ZMYND12: variants seen among roughly 807,000 people sequenced by gnomAD.
The protein encoded by ZMYND12 is zinc finger MYND domain-containing protein 12.
A neutral mutation model predicts 41.7 loss-of-function variants in ZMYND12; 32 were observed. The ratio of observed to expected loss-of-function variants is 0.77; its 90% CI spans 0.58 to 1.03. The LOEUF is 1.03. Ranked by LOEUF, ZMYND12 falls within the 50% of genes least tolerant of loss-of-function variation. ZMYND12 has a pLI of 0.00. For synonymous variants in ZMYND12, 148 were observed against 164.8 expected (o/e 0.90, Z 0.78); for missense variants, 424 against 438.5 (o/e 0.97, Z 0.30).
chr1:42,433,314 A>C, intron 6 of ZMYND12, 26 bp from the exon 7 acceptor site: 1 of 1,587,002 alleles, frequency 6.3e-7, no homozygotes, highest in Non-Finnish European at 8.5e-7. Flanking sequence ...AAGAAAGAAA[A>C]AACAGGCTCT....
chr1:42,451,541 T>G (rs1319225401), intron 1 of ZMYND12, among the ~76,000 whole-genome samples: 1 of 152,176 alleles, frequency 6.6e-6, no homozygotes, highest in Non-Finnish European at 1.5e-5. Flanking sequence ...GGATCTCTGT[T>G]GCAACTACTC....
chr1:42,447,345 T>G (rs1039688493), intron 3 of ZMYND12, among the ~76,000 whole-genome samples: 1 of 152,188 alleles, frequency 6.6e-6, no homozygotes, highest in African/African-American at 2.4e-5. Context: ...AATTGAGAAA[T>G]GTTTTATACA....
intron 3 of ZMYND12, among the ~76,000 whole-genome samples, chr1:42,444,417 G>A (rs1384121319): frequency 2.0e-5 from 3 of 152,222 alleles, no homozygotes. Flanking sequence ...TAGACTTCCA[G>A]AAACGTTAGC....
chr1:42,448,547 A>C lies in ZMYND12; in HGVS notation c.344T>G (p.Leu115Arg), dbSNP rs1006174245. 1.5e-5 allele frequency: 24 copies of C among 1,613,904 alleles called. No homozygotes were observed. The highest frequency in any genetic ancestry group is 2.0e-5 in the Non-Finnish European group (24 of 1,179,886). Residue 115 changes from leucine to arginine, a missense_variant, in exon 3 of 8, where the codon CTT (leucine) becomes CGT (arginine). Coordinates refer to ENST00000372565, the MANE Select transcript of ZMYND12 (RefSeq NM_032257.5). ...EDAVPAALQSLRFRVKLYGLS... is the reference protein window; with the variant it reads ...EDAVPAALQSRRFRVKLYGLS... ...GCCATACAGCTTCACACGGAAGCGA[A>C]GGGACTGCAAAGCTGCTGGTACAGC...
At chr1:42,452,385 C>T (rs1235384815) in intron 1 of ZMYND12, among the ~76,000 whole-genome samples, 1 of 152,102 alleles carries the variant, frequency 6.6e-6, no homozygotes, top group African/African-American at 2.4e-5. Flanking sequence ...TTACTTGTCA[C>T]CAATGTTTTA....
At chr1:42,438,895 C>G (rs572154966) in intron 4 of ZMYND12, among the ~76,000 whole-genome samples, 87 of 152,274 alleles carry the variant, frequency 5.7e-4, no homozygotes, top group African/African-American at 2.1e-3. Context: ...ACTCTTTTCT[C>G]TGGTAATATT....
At chr1:42,438,845 G>A (rs1000004996) in intron 4 of ZMYND12, among the ~76,000 whole-genome samples, 2 of 152,188 alleles carry the variant, frequency 1.3e-5, no homozygotes, top group African/African-American at 4.8e-5. Flanking sequence ...CATGGAGACT[G>A]CAGTCTGACT....
At chr1:42,448,143 A>C in intron 3 of ZMYND12, among the ~76,000 whole-genome samples, 1 of 152,212 alleles carries the variant, frequency 6.6e-6, no homozygotes, top group East Asian at 1.9e-4. Flanking sequence ...CCCAGAGAGA[A>C]GTAGATACAG....
chr1:42,439,722 C>T, intron 4 of ZMYND12, 134 bp downstream of exon 4: 2 of 951,080 alleles, frequency 2.1e-6, no homozygotes, highest in East Asian at 2.7e-5. Context: ...TAACATCCCA[C>T]CAAATAATCA....
chr1:42,449,090 T>C (rs1171422282), intron 2 of ZMYND12, among the ~76,000 whole-genome samples: 1 of 152,222 alleles, frequency 6.6e-6, no homozygotes, highest in African/African-American at 2.4e-5. Flanking sequence ...CTCTGCATTG[T>C]TCTAAGGCCA....
chr1:42,440,667 T>TG (rs964054391), intron 3 of ZMYND12, among the ~76,000 whole-genome samples: 11 of 151,724 alleles, frequency 7.3e-5, no homozygotes, highest in Non-Finnish European at 1.5e-5. Context: ...TTGTCCTTTT[T>TG]TTGTTGTTGT....
chr1:42,431,446 AG>A (rs537034346), intron 7 of ZMYND12, among the ~76,000 whole-genome samples: 35 of 152,328 alleles, frequency 2.3e-4, no homozygotes, highest in African/African-American at 7.0e-4. Context: ...ATAAATGCTA[AG>A]GAAAAAAATA....
intron 5 of ZMYND12, 69 bp downstream of exon 5, chr1:42,436,352 T>C: frequency 6.3e-7 from 1 of 1,590,242 alleles, no homozygotes; most frequent in Non-Finnish European, 8.6e-7. Context: ...TTTTCATGAA[T>C]AGTCTAATAC....
In ZMYND12 at chr1:42,439,856, A is replaced by G; in HGVS notation, c.594T>C (p.Asp198=). ...YEEARYHLAN[D]IYFASCAFGT... is the part of the protein sequence containing the mutation. ...AGGTGTTATAACTTAGCTTGTTTAC[A>G]TCATTGGCCAGATGATAACGGGCCT... The change falls in exon 4 of 8, where the codon GAT becomes GAC. Residue 198 remains aspartate, a splice_region_variant and synonymous_variant. Transcript: ENST00000372565. The G allele has an allele frequency of 1.9e-6, 3 of 1,605,202 alleles. No individual in the cohort carries two copies. The highest frequency in any genetic ancestry group is 2.5e-6 in the Non-Finnish European group (3 of 1,177,154).
intron 4 of ZMYND12, among the ~76,000 whole-genome samples, chr1:42,437,221 C>T (rs771175753): frequency 1.3e-5 from 2 of 152,106 alleles, no homozygotes; most frequent in Non-Finnish European, 2.9e-5. Flanking sequence ...TCTGTATGAA[C>T]TGTCCTGAGA....
intron 1 of ZMYND12, among the ~76,000 whole-genome samples, chr1:42,450,317 G>A (rs1299502895): frequency 1.3e-5 from 2 of 152,176 alleles, no homozygotes; most frequent in Non-Finnish European, 2.9e-5. Context: ...CAGGGATGCT[G>A]GCATGCAATT....
At chr1:42,437,763 C>T (rs548870459) in intron 4 of ZMYND12, among the ~76,000 whole-genome samples, 5 of 152,044 alleles carry the variant, frequency 3.3e-5, no homozygotes, top group Non-Finnish European at 5.9e-5. Flanking sequence ...CTCACTGCAA[C>T]CTCTGCCTCC....
Position 42,450,039 on chromosome 1 carries a change from G to A in ZMYND12, c.131C>T (p.Ala44Val). The A allele has an allele frequency of 1.2e-6, 2 of 1,613,820 alleles. No homozygotes were observed. Among genetic ancestry groups the A allele is most frequent in the Non-Finnish European group, 1.7e-6 (2 of 1,180,028 alleles). ...TTTCTCATGGATGCTGTCCCAGTCA[G>A]CCTTCTGATGTACCACCCCACTGAC... is the stretch of plus-strand genomic sequence containing the variant. The part of the protein sequence containing the change: ...TYYCGVVHQK[A>V]DWDSIHEKIC... The change falls in exon 2 of 8, where the codon GCT becomes GTT. Residue 44 changes from alanine (A) to valine (V), a missense_variant. Ala to Val is a moderately conservative substitution (Grantham distance 64, BLOSUM62 0). Coordinates refer to ENST00000372565, the MANE Select transcript of ZMYND12 (RefSeq NM_032257.5).
intron 4 of ZMYND12, among the ~76,000 whole-genome samples, chr1:42,438,134 G>A (rs146642240): frequency 7.2e-5 from 11 of 152,314 alleles, no homozygotes; most frequent in African/African-American, 2.4e-4. Flanking sequence ...GTGTGGCCCA[G>A]CTCAGGACAG....
Sources: gnomAD v4.1 joint callset for allele counts (sites outside exome capture counted in the v4.1 genomes callset) on GRCh38, gnomAD v4.1.1 for gene constraint, MANE v1.5 for transcripts, NCBI Gene and HGNC (gene_info 2026-07-23, HGNC 2026-07-21) for gene names.